Variants in OPCML observed in about 807,000 individuals in gnomAD.
OPCML encodes the protein opioid-binding protein/cell adhesion molecule.
In OPCML, 13 loss-of-function variants were observed where a neutral mutation model predicts 37.8. The observed-to-expected ratio is 0.34, with a 90% CI of 0.22 to 0.55. The LOEUF is 0.55. OPCML is among the 20% of genes least tolerant of loss of function. The pLI, the probability that OPCML is intolerant of heterozygous loss-of-function variation, is 0.91. For missense variants in OPCML, 341 were observed against 435.6 expected, an observed-to-expected ratio of 0.78 and a Z score of 1.93; for synonymous variants, 176 against 168.8, an observed-to-expected ratio of 1.04 and a Z score of -0.33.
intron 2 of OPCML, among the ~76,000 whole-genome samples, chr11:132,769,661 T>C (rs1483418936): frequency 6.6e-6 from 1 of 152,118 alleles, no homozygotes; most frequent in Non-Finnish European, 1.5e-5. Context: ...CCTCAGCATG[T>C]AAAGGCGGGG....
chr11:132,970,041 C>T (rs996889148), intron 1 of OPCML, among the ~76,000 whole-genome samples: 4 of 152,074 alleles, frequency 2.6e-5, no homozygotes, highest in East Asian at 1.9e-4. Context: ...TCAGCAACTC[C>T]GGACACTGAC....
chr11:132,538,067 T>C lies in OPCML; in HGVS notation c.380-8881A>G, dbSNP rs1330133751. On this transcript the variant is annotated intron_variant, in intron 3 of 7. Coordinates refer to ENST00000524381, the MANE Select transcript of OPCML (RefSeq NM_001012393.5). ...AGCAATTCTACTCTAGCTATATACCTATGAGAAATGAAGGCATATACCCAC... is the reference window on the plus strand; with the variant it reads ...AGCAATTCTACTCTAGCTATATACCCATGAGAAATGAAGGCATATACCCAC... 3.9e-5 allele frequency among the ~76,000 whole-genome samples: 6 copies of C among 152,152 alleles called. 1 individual carries two copies. Among genetic ancestry groups the C allele is most frequent in the African/African-American group, 1.4e-4 (6 of 41,440 alleles).
intron 1 of OPCML, among the ~76,000 whole-genome samples, chr11:133,145,521 TCA>T (rs2137176827): frequency 6.6e-6 from 1 of 152,152 alleles, no homozygotes; most frequent in East Asian, 1.9e-4. Context: ...TTTGATAAGG[TCA>T]CAGTGTTGAG....
intron 1 of OPCML, chr11:133,421,325 T>G: frequency 1.0e-6 from 1 of 985,334 alleles, no homozygotes; most frequent in African/African-American, 1.7e-5. Context: ...GAGAGTGAAT[T>G]TAAGCAGTAC....
intron 1 of OPCML, among the ~76,000 whole-genome samples, chr11:133,082,800 C>T (rs1030783816): frequency 2.0e-5 from 3 of 148,290 alleles, no homozygotes; most frequent in African/African-American, 7.4e-5. Context: ...TGGGCCTCCT[C>T]GCGGCCCGGG....
chr11:132,560,866 G>T (rs2096409103), intron 3 of OPCML, among the ~76,000 whole-genome samples: 1 of 152,184 alleles, frequency 6.6e-6, no homozygotes, highest in African/African-American at 2.4e-5. Flanking sequence ...TCTGTGGGTT[G>T]TCTGTTAACT....
intron 4 of OPCML, among the ~76,000 whole-genome samples, chr11:132,445,695 A>T (rs2096052691): frequency 6.6e-6 from 1 of 152,160 alleles, no homozygotes; most frequent in Non-Finnish European, 1.5e-5. Flanking sequence ...AAAACTTCCC[A>T]GGGGACTCTA....
chr11:132,893,185 C>G (rs1305592245), intron 2 of OPCML, among the ~76,000 whole-genome samples: 1 of 152,122 alleles, frequency 6.6e-6, no homozygotes, highest in Non-Finnish European at 1.5e-5. Context: ...GCTATAAAAA[C>G]TCCAGGCCTA....
At chr11:132,574,188 T>C (rs1429281782) in intron 3 of OPCML, among the ~76,000 whole-genome samples, 2 of 151,186 alleles carry the variant, frequency 1.3e-5, no homozygotes, top group Non-Finnish European at 3.0e-5. Flanking sequence ...ATTCTTAGTT[T>C]CATTAATTTA....
intron 2 of OPCML, among the ~76,000 whole-genome samples, chr11:132,913,246 TA>T (rs1457486833): frequency 6.6e-6 from 1 of 152,226 alleles, no homozygotes; most frequent in Non-Finnish European, 1.5e-5. Flanking sequence ...GGAGAGAAAT[TA>T]TTCAGGAAAT....
At chr11:132,741,478 G>T (rs920291373) in intron 2 of OPCML, among the ~76,000 whole-genome samples, 2 of 152,016 alleles carry the variant, frequency 1.3e-5, no homozygotes, top group African/African-American at 4.8e-5. Context: ...GGCATGACTC[G>T]ACTCTTCTTC....
intron 1 of OPCML, among the ~76,000 whole-genome samples, chr11:133,273,533 C>T (rs1315335732): frequency 1.3e-5 from 2 of 152,170 alleles, no homozygotes; most frequent in Admixed American, 6.5e-5. Context: ...TTCTTTCTCT[C>T]GCAGAACCAA....
intron 2 of OPCML, among the ~76,000 whole-genome samples, chr11:132,822,442 G>A (rs1303359409): frequency 2.6e-5 from 4 of 152,148 alleles, no homozygotes; most frequent in Non-Finnish European, 5.9e-5. Context: ...GGCGGTGAAT[G>A]GATTACAAGG....
intron 2 of OPCML, among the ~76,000 whole-genome samples, chr11:132,827,194 TAC>T (rs998816773): frequency 5.3e-5 from 8 of 152,022 alleles, no homozygotes; most frequent in African/African-American, 1.9e-4. Context: ...TCATAACAGA[TAC>T]AAAAACTACT....
intron 1 of OPCML, among the ~76,000 whole-genome samples, chr11:133,252,063 G>T (rs1297788142): frequency 6.6e-6 from 1 of 151,882 alleles, no homozygotes; most frequent in African/African-American, 2.4e-5. Flanking sequence ...TTTCCAGAGG[G>T]ATACCAAAAA....
chr11:132,886,251 T>C (rs192619327), intron 2 of OPCML, among the ~76,000 whole-genome samples: 1 of 152,338 alleles, frequency 6.6e-6, no homozygotes, highest in African/African-American at 2.4e-5. Flanking sequence ...TCTCTAATTA[T>C]CAGTCGTTAA....
chr11:132,829,994 C>T (rs891642378), intron 2 of OPCML, among the ~76,000 whole-genome samples: 3 of 152,098 alleles, frequency 2.0e-5, no homozygotes, highest in African/African-American at 7.2e-5. Flanking sequence ...AAAAAAATTG[C>T]TACATTAGCA....
intron 1 of OPCML, among the ~76,000 whole-genome samples, chr11:132,960,524 T>G (rs1018936898): frequency 2.3e-4 from 35 of 152,244 alleles, no homozygotes; most frequent in African/African-American, 6.5e-4. Flanking sequence ...GCTGCTTCAG[T>G]GGAGAGTAAA....
At chr11:133,050,354 C>T (rs1948107154) in intron 1 of OPCML, among the ~76,000 whole-genome samples, 1 of 152,170 alleles carries the variant, frequency 6.6e-6, no homozygotes, top group Admixed American at 6.5e-5. Flanking sequence ...AGAGACACAT[C>T]CTACCTTGCT....
Sources: allele counts gnomAD v4.1 joint callset (sites outside exome capture counted in the v4.1 genomes callset), GRCh38; gene constraint gnomAD v4.1.1; transcripts MANE v1.5; gene names NCBI Gene and HGNC (gene_info 2026-07-23, HGNC 2026-07-21).